SAMD8: variants seen among roughly 807,000 people sequenced by gnomAD.
SAMD8 encodes sterile alpha motif domain containing 8.
A neutral mutation model predicts 42.0 loss-of-function variants in SAMD8; 20 were observed. The ratio of observed to expected loss-of-function variants is 0.48; its 90% CI spans 0.34 to 0.69. The LOEUF is 0.69. Ranked by LOEUF, SAMD8 falls within the 30% of genes least tolerant of loss-of-function variation. The probability of loss-of-function intolerance (pLI) is 0.01; values close to 1 mark genes in which losing one functional copy is unlikely to be tolerated. For missense variants in SAMD8, 328 were observed against 511.6 expected (o/e 0.64, Z 3.46); for synonymous variants, 162 against 173.0 (o/e 0.94, Z 0.50).
upstream of SAMD8, among the ~76,000 whole-genome samples, chr10:75,107,174 A>G (rs2134393638): frequency 6.6e-6 from 1 of 152,250 alleles, no homozygotes. Context: ...TGTCTCTGCT[A>G]AAATACAAAA....
At chr10:75,101,199 G>GAAA (rs2134360094) in intron 1 of SAMD8, among the ~76,000 whole-genome samples, 1 of 152,186 alleles carries the variant, frequency 6.6e-6, no homozygotes, top group South Asian at 2.1e-4. Context: ...AGAAATCTCA[G>GAAA]GTCTGGTACT....
intron 4 of SAMD8, among the ~76,000 whole-genome samples, chr10:75,170,253 A>C (rs1244470183): frequency 6.6e-6 from 1 of 152,212 alleles, no homozygotes; most frequent in Non-Finnish European, 1.5e-5. Flanking sequence ...CTGTGTTCTC[A>C]CATATTCAAA....
At chr10:75,157,838 A>G (rs774025619) in intron 2 of SAMD8, among the ~76,000 whole-genome samples, 6 of 152,128 alleles carry the variant, frequency 3.9e-5, no homozygotes, top group Non-Finnish European at 8.8e-5. Flanking sequence ...AGTGGTTTTA[A>G]TGAGGGACCA....
chr10:75,112,562 T>A lies in SAMD8; in HGVS notation c.-16+840T>A, dbSNP rs188604404. Among the ~76,000 whole-genome samples the A allele has an allele frequency of 2.2e-3, 336 of 152,308 alleles. 1 individual carries two copies. The highest frequency in any genetic ancestry group is 7.7e-3 in the African/African-American group (322 of 41,560). ...GGAAGTAGTGGAGAGGAAGTGATGT[T>A]TGAAGAAGGTAGTGGAAGACGTGAT... On this transcript the variant is annotated intron_variant, in intron 1 of 5. Coordinates refer to ENST00000542569, the MANE Select transcript of SAMD8 (RefSeq NM_001174156.2).
intron 1 of SAMD8, among the ~76,000 whole-genome samples, chr10:75,126,701 A>G (rs916305305): frequency 2.7e-5 from 4 of 149,356 alleles, no homozygotes; most frequent in South Asian, 2.1e-4. Flanking sequence ...AGGTCTCCCT[A>G]TGTTGCCCAG....
intron 2 of SAMD8, among the ~76,000 whole-genome samples, chr10:75,162,173 A>C (rs1310551885): frequency 1.3e-5 from 2 of 152,172 alleles, no homozygotes; most frequent in South Asian, 2.1e-4. Flanking sequence ...GGCCTAGCCA[A>C]CATTGTGAAA....
intron 2 of SAMD8, among the ~76,000 whole-genome samples, chr10:75,157,233 G>A (rs1840432355): frequency 6.6e-6 from 1 of 151,858 alleles, no homozygotes; most frequent in South Asian, 2.1e-4. Context: ...AATGATGAGG[G>A]GGAGAGAGAG....
intron 1 of SAMD8, 106 bp from the exon 2 acceptor site, chr10:75,150,408 C>T (rs989811059): frequency 6.8e-7 from 1 of 1,461,716 alleles, no homozygotes; most frequent in Non-Finnish European, 9.0e-7. Flanking sequence ...TAGGCATGAG[C>T]CACTGCGCCT....
chr10:75,137,948 GC>G (rs1459989604), intron 1 of SAMD8, among the ~76,000 whole-genome samples: 1 of 152,162 alleles, frequency 6.6e-6, no homozygotes, highest in Non-Finnish European at 1.5e-5. Flanking sequence ...ACTACTACTT[GC>G]CCCACAACTG....
chr10:75,111,757 TG>T (rs1232167873), intron 1 of SAMD8, 35 bp downstream of exon 1: 2 of 1,232,586 alleles, frequency 1.6e-6, no homozygotes, highest in Non-Finnish European at 1.0e-6. Flanking sequence ...GAGGGGAGCT[TG>T]GGGGGCGCCT....
At chr10:75,148,345 G>GTTT (rs1564686963) in intron 1 of SAMD8, among the ~76,000 whole-genome samples, 1 of 104,006 alleles carries the variant, frequency 9.6e-6, no homozygotes, top group African/African-American at 5.2e-5. Context: ...AGCAATACCA[G>GTTT]CTTTTTTTTT....
chr10:75,164,260 C>A (rs1316197383), intron 2 of SAMD8, among the ~76,000 whole-genome samples: 1 of 152,108 alleles, frequency 6.6e-6, no homozygotes, highest in Non-Finnish European at 1.5e-5. Context: ...AAGTTCAAAC[C>A]CTGATTGTTT....
chr10:75,147,367 C>T (rs1044673343), intron 1 of SAMD8, among the ~76,000 whole-genome samples: 1 of 152,060 alleles, frequency 6.6e-6, no homozygotes, highest in Non-Finnish European at 1.5e-5. Flanking sequence ...TACTGTGTTG[C>T]CCAGGCTGGA....
intron 2 of SAMD8, among the ~76,000 whole-genome samples, chr10:75,156,215 CAGTA>C (rs557120632): frequency 1.2e-4 from 19 of 152,116 alleles, no homozygotes; most frequent in East Asian, 3.9e-4. Flanking sequence ...TTGTTTGTCT[CAGTA>C]AGTAAGTAAG....
intron 1 of SAMD8, among the ~76,000 whole-genome samples, chr10:75,148,299 G>A (rs541934613): frequency 2.7e-5 from 4 of 149,200 alleles, no homozygotes; most frequent in African/African-American, 7.4e-5. Context: ...GTAAGTCTTC[G>A]TGGCAGGAGT....
intron 1 of SAMD8, among the ~76,000 whole-genome samples, chr10:75,148,346 C>CTTTTTTTTTTTTTTTTTTGTTTT (rs1840194624): frequency 1.2e-5 from 1 of 82,564 alleles, no homozygotes; most frequent in Non-Finnish European, 2.0e-5. Flanking sequence ...GCAATACCAG[C>CTTTTTTTTTTTTTTTTTTGTTTT]TTTTTTTTTT....
intron 1 of SAMD8, among the ~76,000 whole-genome samples, chr10:75,138,182 T>G (rs1334185470): frequency 1.3e-5 from 2 of 152,166 alleles, no homozygotes; most frequent in Non-Finnish European, 2.9e-5. Context: ...GAATAATGAT[T>G]AGCTTTTCAG....
upstream of SAMD8, chr10:75,111,377 G>A: frequency 5.0e-6 from 3 of 601,936 alleles, no homozygotes; most frequent in African/African-American, 1.9e-5. Flanking sequence ...CTCCTCCGCG[G>A]CAGCATCTCG....
intron 1 of SAMD8, chr10:75,104,141 G>GT (rs1424223935): frequency 7.8e-7 from 1 of 1,280,562 alleles, no homozygotes; most frequent in African/African-American, 1.5e-5. Context: ...GTGAACCAAG[G>GT]CCCAGGCTGG....
Sources: gnomAD v4.1 joint callset for allele counts (sites outside exome capture counted in the v4.1 genomes callset) on GRCh38, gnomAD v4.1.1 for gene constraint, MANE v1.5 for transcripts, NCBI Gene and HGNC (gene_info 2026-07-23, HGNC 2026-07-21) for gene names.